Variants in VWA8 observed in about 807,000 individuals in gnomAD.
VWA8 encodes von Willebrand factor A domain containing 8, also known as von Willebrand factor A domain-containing protein 8.
Under a neutral mutation model 241.5 loss-of-function variants are expected in VWA8, and 221 were observed. That is an observed-to-expected ratio of 0.91 (90% CI 0.82 to 1.02). The LOEUF (loss-of-function observed/expected upper bound fraction) is 1.02. Among genes scored for constraint, VWA8 ranks in the 50% least tolerant of loss-of-function variants. VWA8 has a pLI of 0.00. For missense variants in VWA8, 2,322 were observed against 2,328.7 expected, an observed-to-expected ratio of 1.00 and a Z score of 0.06; for synonymous variants, 852 against 827.1, an observed-to-expected ratio of 1.03 and a Z score of -0.52.
chr13:41,792,668 A>G (rs1033344244), intron 17 of VWA8, among the ~76,000 whole-genome samples: 2 of 152,006 alleles, frequency 1.3e-5, no homozygotes, highest in African/African-American at 4.8e-5. Context: ...TTGACTAATT[A>G]TATCTAAATA....
At chr13:41,839,944 G>A (rs1361778793) in intron 12 of VWA8, among the ~76,000 whole-genome samples, 1 of 152,106 alleles carries the variant, frequency 6.6e-6, no homozygotes, top group East Asian at 1.9e-4. Context: ...AGCATTGAAT[G>A]TATAAATTAC....
intron 32 of VWA8, 89 bp downstream of exon 32, chr13:41,691,229 CAG>C: frequency 7.0e-7 from 1 of 1,435,748 alleles, no homozygotes. Context: ...AGGACAGACA[CAG>C]GAAAGACAGA....
At position 41,949,412 on chromosome 13, in the gene VWA8, G is replaced by A. The variant is rs1046586460; in HGVS notation, c.241+524C>T. On this transcript the variant is annotated intron_variant, in intron 2 of 44. Transcript: ENST00000379310. ...ACACTGTATGTTCTCACTCATAAGT[G>A]GGAGTTGAACAATGAGAACACATGG... Among the ~76,000 whole-genome samples, 3 of 151,964 alleles carry A rather than the reference G, an allele frequency of 2.0e-5. No homozygotes were observed. In the South Asian group the frequency reaches 6.3e-4, roughly 32 times the overall value.
At chr13:41,809,754 G>A (rs1329306895) in intron 17 of VWA8, among the ~76,000 whole-genome samples, 2 of 152,064 alleles carry the variant, frequency 1.3e-5, no homozygotes, top group African/African-American at 4.8e-5. Flanking sequence ...GGGACAAATA[G>A]GATCACATTG....
chr13:41,904,919 C>CT (rs1185651816), intron 4 of VWA8, among the ~76,000 whole-genome samples: 1 of 152,064 alleles, frequency 6.6e-6, no homozygotes, highest in African/African-American at 2.4e-5. Flanking sequence ...GAAATTAGGA[C>CT]TTTCCTGTTA....
chr13:41,787,488 T>C lies in VWA8; in HGVS notation c.2119A>G (p.Ile707Val). Reference sequence around the variant, plus strand: ...AAATTGTCATCAGTATTTATTTCTATTGTAGCATCTGCCAGATTTTTTTCT... The same window carrying C: ...AAATTGTCATCAGTATTTATTTCTACTGTAGCATCTGCCAGATTTTTTTCT... ...ALEKNLADATIEINTDDNLEP... is the reference protein window; with the variant it reads ...ALEKNLADATVEINTDDNLEP... The change falls in exon 18 of 45, where the codon ATA becomes GTA. Residue 707 changes from isoleucine to valine, a missense_variant. Coordinates refer to ENST00000379310, the MANE Select transcript of VWA8 (RefSeq NM_015058.2). 6.2e-7 allele frequency: 1 copy of C among 1,612,862 alleles called. No individual in the cohort carries two copies. The highest frequency in any genetic ancestry group is 8.5e-7 in the Non-Finnish European group (1 of 1,179,414).
In VWA8 at chr13:41,625,463, G is replaced by T. The variant is rs189077195; in HGVS notation, c.4612-10379C>A. Among the ~76,000 whole-genome samples the T allele has an allele frequency of 7.2e-3, 1,102 of 152,152 alleles. 5 individuals are homozygous for T. Among genetic ancestry groups the T allele is most frequent in the Non-Finnish European group, 0.012 (827 of 67,976 alleles). On this transcript the variant is annotated intron_variant, in intron 37 of 44. Coordinates refer to ENST00000379310, the MANE Select transcript of VWA8 (RefSeq NM_015058.2). ...TCTCAGAAGAAGACATTTATGCAGC[G>T]AAAAAACATATGAAAAAATGCTCAT...
chr13:41,754,008 T>C lies in VWA8; in HGVS notation c.2426+7120A>G, dbSNP rs563498562. Reference sequence around the variant, plus strand: ...CCCTAAAGCTGTATGTAAAATGTTATGGCAAATGTAGCCCTAAAACTGTAT... The same window carrying C: ...CCCTAAAGCTGTATGTAAAATGTTACGGCAAATGTAGCCCTAAAACTGTAT... On this transcript the variant is annotated intron_variant, in intron 21 of 44. Transcript: ENST00000379310. 3.3e-5 allele frequency among the ~76,000 whole-genome samples: 5 copies of C among 152,298 alleles called. No homozygotes were observed. The South Asian group carries it at 8.3e-4, about 25-fold the overall frequency.
chr13:41,743,882 A>G (rs78673022), intron 21 of VWA8, among the ~76,000 whole-genome samples: 1,771 of 152,306 alleles, frequency 0.012, 42 homozygotes, highest in African/African-American at 0.04. Flanking sequence ...TTGTTGCAAT[A>G]GATCTCCTTT....
intron 3 of VWA8, among the ~76,000 whole-genome samples, chr13:41,908,847 G>C (rs1875850963): frequency 6.6e-6 from 1 of 152,118 alleles, no homozygotes; most frequent in South Asian, 2.1e-4. Flanking sequence ...CTAAACATGA[G>C]GAACAAACTG....
At chr13:41,864,841 A>G (rs1250636026) in intron 12 of VWA8, among the ~76,000 whole-genome samples, 1 of 152,114 alleles carries the variant, frequency 6.6e-6, no homozygotes, top group African/African-American at 2.4e-5. Flanking sequence ...CAAAAAAATT[A>G]GCTAGTCATG....
chr13:41,697,919 G>A (rs560615010), intron 29 of VWA8, among the ~76,000 whole-genome samples: 8 of 151,848 alleles, frequency 5.3e-5, no homozygotes, highest in South Asian at 4.2e-4. Context: ...TCCCCACTAC[G>A]CTTCTTTAAA....
intron 37 of VWA8, among the ~76,000 whole-genome samples, chr13:41,644,120 A>AT (rs376475055): frequency 5.3e-5 from 8 of 151,638 alleles, no homozygotes; most frequent in East Asian, 1.9e-4. Flanking sequence ...GACTACCCAG[A>AT]TTTTTTTTTA....
chr13:41,824,844 A>G (rs1479481518), intron 14 of VWA8, among the ~76,000 whole-genome samples: 2 of 151,490 alleles, frequency 1.3e-5, no homozygotes, highest in Non-Finnish European at 2.9e-5. Flanking sequence ...AAAAGAAAAA[A>G]AAAAGAAAAG....
Position 41,883,465 on chromosome 13 carries a change from T to C in VWA8, c.1002A>G (p.Lys334=), listed in dbSNP as rs1482008066. 2 of 1,613,436 alleles carry C rather than the reference T, an allele frequency of 1.2e-6. No individual in the cohort carries two copies. The highest frequency in any genetic ancestry group is 2.7e-5 in the African/African-American group (2 of 74,912). ...ILDSFPMMPI[K]HAIQWLYPYS... ...ATGGATAAAGCCACTGGATTGCATG[T>C]TTGATTGGCATCATAGGAAAGGAAT... Residue 334 remains lysine (K), a synonymous_variant, in exon 9 of 45, where the codon AAA becomes AAG. Transcript: ENST00000379310.
intron 4 of VWA8, among the ~76,000 whole-genome samples, chr13:41,904,034 G>C (rs1287077130): frequency 6.6e-6 from 1 of 152,048 alleles, no homozygotes; most frequent in African/African-American, 2.4e-5. Flanking sequence ...CAAAACATAA[G>C]AGTGTAAAAT....
chr13:41,811,901 G>C (rs75297259), intron 16 of VWA8, among the ~76,000 whole-genome samples: 1 of 152,068 alleles, frequency 6.6e-6, no homozygotes, highest in Non-Finnish European at 1.5e-5. Flanking sequence ...AAAATTCCAC[G>C]AATAGAGTTG....
chr13:41,691,432 C>T lies in VWA8; in HGVS notation c.3754G>A (p.Val1252Met), dbSNP rs748832175. 14 of 1,612,382 alleles carry T rather than the reference C, an allele frequency of 8.7e-6. No individual in the cohort carries two copies. The East Asian group carries it at 2.9e-4, about 33-fold the overall frequency. Residue 1252 changes from valine (V) to methionine (M), a missense_variant, in exon 32 of 45, where the codon GTG (valine) becomes ATG (methionine). Transcript: ENST00000379310. ...FYKEKGNSLTVLDVLEGRTHT... is the reference protein window; with the variant it reads ...FYKEKGNSLTMLDVLEGRTHT... ...GTTCGCCCTTCTAGAACATCCAGCA[C>T]AGTCAGGCTGTTCCTGGAAAAGAAG...
intron 40 of VWA8, among the ~76,000 whole-genome samples, chr13:41,598,510 G>A (rs2044502103): frequency 6.6e-6 from 1 of 151,914 alleles, no homozygotes; most frequent in South Asian, 2.1e-4. Context: ...TATATCACAA[G>A]GTTCCCATTC....
Sources: allele counts gnomAD v4.1 joint callset (sites outside exome capture counted in the v4.1 genomes callset), GRCh38; gene constraint gnomAD v4.1.1; transcripts MANE v1.5; gene names NCBI Gene and HGNC (gene_info 2026-07-23, HGNC 2026-07-21).